The following PRKG2 variants were observed in gnomAD, a reference collection of about 807,000 sequenced individuals.
The protein encoded by PRKG2 is cGMP-dependent protein kinase 2.
A neutral mutation model predicts 97.2 loss-of-function variants in PRKG2; 33 were observed. The observed-to-expected ratio is 0.34, with a 90% CI of 0.26 to 0.45. The LOEUF (loss-of-function observed/expected upper bound fraction) is 0.45. Ranked by LOEUF, PRKG2 falls within the 20% of genes least tolerant of loss-of-function variation. PRKG2 has a pLI of 1.00. For synonymous variants in PRKG2, 330 were observed against 321.8 expected, an observed-to-expected ratio of 1.03 and a Z score of -0.27; for missense variants, 638 against 900.0, an observed-to-expected ratio of 0.71 and a Z score of 3.73.
rs376147362 is a variant in PRKG2 at position 81,142,854 on chromosome 4, T to G, written c.1347A>C (p.Pro449=). 1.9e-6 allele frequency: 3 copies of G among 1,613,014 alleles called. No individual in the cohort carries two copies. Among genetic ancestry groups the G allele is most frequent in the African/African-American group, 2.7e-5 (2 of 74,872 alleles). The change falls in exon 11 of 19, where the codon CCA becomes CCC. Residue 449 remains proline, a synonymous_variant. Coordinates refer to ENST00000264399, the MANE Select transcript of PRKG2 (RefSeq NM_006259.3). ...EKVARFSSSS[P]FQNLEIIATL... is the part of the protein sequence containing the mutation. The stretch of plus-strand genomic sequence containing the variant: ...TTGCAATAATCTCAAGGTTCTGGAA[T>G]GGGGATGATGAGGAAAATCTGGCCA...
intron 9 of PRKG2, 64 bp from the exon 10 acceptor site, chr4:81,144,394 T>C (rs1235948939): frequency 2.3e-5 from 30 of 1,303,896 alleles, no homozygotes; most frequent in Non-Finnish European, 3.3e-5. Context: ...TTGACATTCT[T>C]CTAAGCTCAT....
intron 2 of PRKG2, among the ~76,000 whole-genome samples, chr4:81,181,611 T>A: frequency 6.8e-6 from 1 of 147,244 alleles, no homozygotes; most frequent in African/African-American, 2.6e-5. Context: ...AATAATAAAA[T>A]GATAATTCAC....
Position 81,153,731 on chromosome 4 carries a change from T to A in PRKG2, c.913-10A>T, listed in dbSNP as rs1748653948. On this transcript the variant is annotated splice_polypyrimidine_tract_variant and intron_variant, in intron 6 of 18. Transcript: ENST00000264399. ...CTTTGTCATAGTATTCCTGTTGGGA[T>A]GAGAGAGAAAGAAAATGTAAGAGCG... 6.3e-7 allele frequency: 1 copy of A among 1,587,690 alleles called. No individual in the cohort carries two copies. Among genetic ancestry groups the A allele is most frequent in the Non-Finnish European group, 8.6e-7 (1 of 1,156,584 alleles).
intron 6 of PRKG2, among the ~76,000 whole-genome samples, chr4:81,157,839 T>C (rs1749241467): frequency 6.7e-6 from 1 of 149,676 alleles, no homozygotes; most frequent in African/African-American, 2.6e-5. Flanking sequence ...CACATGATTA[T>C]CTCAATAGAT....
rs1200661230 is a variant in PRKG2, at chr4:81,189,040, GA to G, written c.462-14082del. Among the ~76,000 whole-genome samples the G allele has an allele frequency of 2.9e-3, 44 of 15,356 alleles. 2 individuals carry two copies. The highest frequency in any genetic ancestry group is 6.2e-3 in the South Asian group (3 of 486). The allele number at this position is 15,356 out of a possible 152,430, so 10.1% of individuals were successfully genotyped here. A position where few individuals can be genotyped will look rare whatever the true frequency, so the allele number is the denominator to read the frequency against. On this transcript the variant is annotated intron_variant, in intron 2 of 18. Transcript: ENST00000264399. ...AAGTATAATAATAATAATAAAAAAA[GA>G]AAAAAAAAAGATTAAAAAAAATAAT...
Position 81,144,237 on chromosome 4 carries a change from A to T in PRKG2, c.1248T>A (p.His416Gln). Reference protein sequence around the residue: ...ANLNRDDEKRHAKRSMSNWKL... With the variant: ...ANLNRDDEKRQAKRSMSNWKL... ...GAAAACATTCCTCCACTTACTTCGC[A>T]TGTCTTTTTTCATCATCACGGTTCA... Residue 416 changes from histidine to glutamine, a missense_variant, in exon 10 of 19, where the codon CAT becomes CAA. By Grantham distance (24) the His-to-Gln change is conservative (BLOSUM62 0). Coordinates refer to ENST00000264399, the MANE Select transcript of PRKG2 (RefSeq NM_006259.3). 6.2e-7 allele frequency: 1 copy of T among 1,605,162 alleles called. No individual in the cohort carries two copies. Among genetic ancestry groups the T allele is most frequent in the Non-Finnish European group, 8.5e-7 (1 of 1,172,086 alleles).
intron 14 of PRKG2, among the ~76,000 whole-genome samples, chr4:81,114,641 C>A (rs1466626208): frequency 1.3e-5 from 2 of 152,054 alleles, no homozygotes; most frequent in African/African-American, 2.4e-5. Context: ...TTGATACATA[C>A]AAAATAATGT....
chr4:81,143,682 A>G (rs1051373251), intron 10 of PRKG2, among the ~76,000 whole-genome samples: 2 of 152,208 alleles, frequency 1.3e-5, no homozygotes, highest in Admixed American at 6.5e-5. Flanking sequence ...TGGCTTTGAT[A>G]GCACTATCTA....
At chr4:81,154,395 G>A (rs1748771744) in intron 6 of PRKG2, 3 of 152,226 alleles carry the variant, frequency 2.0e-5, no homozygotes, top group Admixed American at 2.0e-4. Context: ...AGAGAGCAGT[G>A]GTTCTCCCAG....
chr4:81,105,182 G>A (rs112201196), intron 16 of PRKG2, among the ~76,000 whole-genome samples: 1 of 152,110 alleles, frequency 6.6e-6, no homozygotes, highest in Non-Finnish European at 1.5e-5. Context: ...AAGGATGTCC[G>A]TTGCCTGAGT....
intron 11 of PRKG2, among the ~76,000 whole-genome samples, chr4:81,140,887 A>C (rs1370810150): frequency 6.6e-6 from 1 of 152,176 alleles, no homozygotes; most frequent in Non-Finnish European, 1.5e-5. Context: ...TTTGTATTAA[A>C]GCAAAATAAA....
At chr4:81,217,360 C>T (rs754362916), upstream of PRKG2, among the ~76,000 whole-genome samples, 1 of 152,076 alleles carries the variant, frequency 6.6e-6, no homozygotes, top group Non-Finnish European at 1.5e-5. Context: ...TGAAAGCTGT[C>T]GATGCAGTGC....
At chr4:81,138,771 A>G (rs1200144047) in intron 12 of PRKG2, among the ~76,000 whole-genome samples, 2 of 151,686 alleles carry the variant, frequency 1.3e-5, no homozygotes, top group African/African-American at 2.4e-5. Context: ...AATGAATGCA[A>G]TCTAATCCAT....
chr4:81,118,782 C>T lies in PRKG2; in HGVS notation c.1777-8171G>A, dbSNP rs561673733. ...CAGTCTTTCACAGAGCAGAAGTTTT[C>T]GTTTGGTTTGTTTGTTTGTTTGTTT... On this transcript the variant is annotated intron_variant, in intron 14 of 18. Transcript: ENST00000264399. 3.3e-5 allele frequency among the ~76,000 whole-genome samples: 5 copies of T among 151,962 alleles called. No individual in the cohort carries two copies. The South Asian group carries it at 6.3e-4, about 19-fold the overall frequency.
intron 14 of PRKG2, among the ~76,000 whole-genome samples, chr4:81,132,174 G>A (rs1746248253): frequency 6.6e-6 from 1 of 151,632 alleles, no homozygotes; most frequent in African/African-American, 2.4e-5. Context: ...TTAGTGTTAT[G>A]AAGATTATTT....
At chr4:81,217,470 G>C (rs1200435990), upstream of PRKG2, among the ~76,000 whole-genome samples, 1 of 152,142 alleles carries the variant, frequency 6.6e-6, no homozygotes, top group Non-Finnish European at 1.5e-5. Flanking sequence ...ACTCTACCAT[G>C]CTGAACAAGG....
At chr4:81,114,205 C>T (rs1341140342) in intron 14 of PRKG2, among the ~76,000 whole-genome samples, 5 of 151,898 alleles carry the variant, frequency 3.3e-5, no homozygotes, top group African/African-American at 1.2e-4. Flanking sequence ...GAATTACAAC[C>T]CTGGTGCCAG....
intron 14 of PRKG2, among the ~76,000 whole-genome samples, chr4:81,117,663 G>GAAA (rs1560550759): frequency 3.3e-5 from 5 of 152,094 alleles, no homozygotes; most frequent in African/African-American, 4.8e-5. Context: ...GTAAAGTGGC[G>GAAA]ATTTAGTAAA....
At chr4:81,159,655 C>T (rs1373920628) in intron 6 of PRKG2, among the ~76,000 whole-genome samples, 1 of 152,088 alleles carries the variant, frequency 6.6e-6, no homozygotes, top group East Asian at 1.9e-4. Flanking sequence ...AAGACACATG[C>T]ACACGTATGT....
Sources: allele counts gnomAD v4.1 joint callset (sites outside exome capture counted in the v4.1 genomes callset), GRCh38; gene constraint gnomAD v4.1.1; transcripts MANE v1.5; gene names NCBI Gene and HGNC (gene_info 2026-07-23, HGNC 2026-07-21).